AKAP9: variants seen among roughly 807,000 people sequenced by gnomAD.
The protein encoded by AKAP9 is A-kinase anchor protein 9.
Under a neutral mutation model 488.5 loss-of-function variants are expected in AKAP9, and 311 were observed. The ratio of observed to expected loss-of-function variants is 0.64; its 90% CI spans 0.58 to 0.70. The LOEUF is 0.70. Ranked by LOEUF, AKAP9 falls within the 30% of genes least tolerant of loss-of-function variation. AKAP9 has a pLI of 0.00. For missense variants in AKAP9, 4,215 were observed against 4,374.5 expected (o/e 0.96, Z 1.03); for synonymous variants, 1,462 against 1,483.5 (o/e 0.99, Z 0.33).
In AKAP9 at chr7:92,001,444, G is replaced by T; in HGVS notation, c.1527G>T (p.Lys509Asn). 2 of 1,613,736 alleles carry T rather than the reference G, an allele frequency of 1.2e-6. No homozygotes were observed. The highest frequency in any genetic ancestry group is 1.1e-5 in the South Asian group (1 of 91,064). ...AATTGCAAGATACTAACTCTCAAAAGGAAAAACTCAAGGAAGAACTAGGAC... is the reference window on the plus strand; with the variant it reads ...AATTGCAAGATACTAACTCTCAAAATGAAAAACTCAAGGAAGAACTAGGAC... ...NIKLQDTNSQ[K>N]EKLKEELGLI... The change falls in exon 8 of 50, where the codon AAG (lysine) becomes AAT (asparagine). Residue 509 changes from lysine to asparagine, a missense_variant. Physicochemically the swap from Lys to Asn is moderately conservative, Grantham distance 94. Coordinates refer to ENST00000356239, the MANE Select transcript of AKAP9 (RefSeq NM_005751.5).
At chr7:91,970,602 A>G (rs1794949429) in intron 1 of AKAP9, 5 of 406,488 alleles carry the variant, frequency 1.2e-5, no homozygotes, top group South Asian at 9.3e-5. Context: ...TGGATACAGT[A>G]TCCTTGGGTG....
chr7:92,065,589 A>T, intron 25 of AKAP9, 126 bp downstream of exon 25: 1 of 656,972 alleles, frequency 1.5e-6, no homozygotes, highest in Non-Finnish European at 2.6e-6. Context: ...TTAGGTGTCG[A>T]ATCTACTAAT....
intron 1 of AKAP9, among the ~76,000 whole-genome samples, chr7:91,966,388 G>A (rs879670483): frequency 6.6e-6 from 1 of 152,088 alleles, no homozygotes; most frequent in Non-Finnish European, 1.5e-5. Flanking sequence ...AGATACTTAT[G>A]TAGTTTCATT....
chr7:92,045,089 A>G lies in AKAP9; in HGVS notation c.5244A>G (p.Thr1748=). The G allele has an allele frequency of 6.2e-7, 1 of 1,613,808 alleles. No homozygotes were observed. Among genetic ancestry groups the G allele is most frequent in the Non-Finnish European group, 8.5e-7 (1 of 1,179,928 alleles). ...VVKTTAAVEE[T]IGRHVLGILD... Reference sequence around the variant, plus strand: ...AGACAACAGCAGCTGTTGAAGAAACAATTGGTCGCCATGTCCTTGGGATTC... The same window carrying G: ...AGACAACAGCAGCTGTTGAAGAAACGATTGGTCGCCATGTCCTTGGGATTC... Residue 1748 remains threonine, a synonymous_variant, in exon 21 of 50, where the codon ACA becomes ACG. Coordinates refer to ENST00000356239, the MANE Select transcript of AKAP9 (RefSeq NM_005751.5).
chr7:92,061,329 G>A lies in AKAP9; in HGVS notation c.5671G>A (p.Glu1891Lys). Reference sequence around the variant, plus strand: ...ATTTAGACAGAAACAAGAAGCAACAGAGTCCCTTAAGTGCCAAGAGGAACT... The same window carrying A: ...ATTTAGACAGAAACAAGAAGCAACAAAGTCCCTTAAGTGCCAAGAGGAACT... ...ESFRQKQEATESLKCQEELRE... is the reference protein window; with the variant it reads ...ESFRQKQEATKSLKCQEELRE... The change falls in exon 23 of 50, where the codon GAG (glutamate) becomes AAG (lysine). Residue 1891 changes from glutamate to lysine, a missense_variant. Coordinates refer to ENST00000356239, the MANE Select transcript of AKAP9 (RefSeq NM_005751.5). 6.2e-7 allele frequency: 1 copy of A among 1,613,260 alleles called. No homozygotes were observed. Among genetic ancestry groups the A allele is most frequent in the Admixed American group, 1.7e-5 (1 of 59,918 alleles).
chr7:91,955,853 C>T (rs1302827980), intron 1 of AKAP9, among the ~76,000 whole-genome samples: 4 of 151,988 alleles, frequency 2.6e-5, no homozygotes, highest in South Asian at 2.1e-4. Context: ...AGGCTGGTCT[C>T]GAACTCCTGA....
At chr7:92,102,484 CTA>C (rs1563151494) in intron 45 of AKAP9, 108 bp from the exon 46 acceptor site, 906 of 724,460 alleles carry the variant, frequency 1.3e-3, no homozygotes, top group Middle Eastern at 2.6e-3. Flanking sequence ...ACTACTACTA[CTA>C]CTACCACCAC....
chr7:92,071,151 C>T, intron 28 of AKAP9, 142 bp downstream of exon 28: 1 of 758,156 alleles, frequency 1.3e-6, no homozygotes, highest in Non-Finnish European at 2.3e-6. Flanking sequence ...CAAAATTGAC[C>T]TTGAAGGCAG....
In AKAP9 at chr7:92,099,650, T is replaced by C. The variant is rs768733061; in HGVS notation, c.10714-37T>C. ...TTTATATGCATTATTCACATCCATT[T>C]GTGCTTAAGTGACCTTACACCATTT... On this transcript the variant is annotated intron_variant, in intron 43 of 49. Coordinates refer to ENST00000356239, the MANE Select transcript of AKAP9 (RefSeq NM_005751.5). 7 of 1,601,822 alleles carry C rather than the reference T, an allele frequency of 4.4e-6. No homozygotes were observed. In the South Asian group the frequency reaches 6.6e-5, roughly 15 times the overall value.
chr7:92,077,441 C>T (rs568022986), intron 29 of AKAP9, among the ~76,000 whole-genome samples: 2 of 152,096 alleles, frequency 1.3e-5, no homozygotes, highest in Non-Finnish European at 2.9e-5. Context: ...AAATAATACT[C>T]AACAGAGGAA....
chr7:91,946,002 G>C (rs1034116675), intron 1 of AKAP9, among the ~76,000 whole-genome samples: 1 of 152,068 alleles, frequency 6.6e-6, no homozygotes, highest in East Asian at 1.9e-4. Flanking sequence ...AAAAACTACT[G>C]TCTATTATAT....
At chr7:92,030,409 G>A (rs1378825548) in intron 15 of AKAP9, among the ~76,000 whole-genome samples, 2 of 152,160 alleles carry the variant, frequency 1.3e-5, no homozygotes, top group African/African-American at 4.8e-5. Context: ...TCAGAAGGCC[G>A]AGGTGTGTGG....
intron 45 of AKAP9, among the ~76,000 whole-genome samples, chr7:92,101,990 T>C (rs888234645): frequency 9.2e-5 from 14 of 151,776 alleles, no homozygotes; most frequent in Non-Finnish European, 2.1e-4. Flanking sequence ...ATCCCATCTC[T>C]ACTAGAAATA....
At position 92,028,159 on chromosome 7, in the gene AKAP9, GGCC is replaced by G. The variant is rs1184300122; in HGVS notation, c.4149-1733_4149-1731del. ...ACCCAGGGACACAAACACTGCGGAA[GGCC>G]GCAGGGTCCTCTGCCTAGGAAAACC... On this transcript the variant is annotated intron_variant, in intron 14 of 49. Coordinates refer to ENST00000356239, the MANE Select transcript of AKAP9 (RefSeq NM_005751.5). 6.6e-5 allele frequency among the ~76,000 whole-genome samples: 10 copies of G among 152,036 alleles called. No homozygotes were observed. The East Asian group carries it at 1.9e-3, about 29-fold the overall frequency.
At chr7:92,065,056 A>G (rs1393878691) in intron 24 of AKAP9, among the ~76,000 whole-genome samples, 175 bp from the exon 25 acceptor site, 2 of 151,896 alleles carry the variant, frequency 1.3e-5, no homozygotes, top group African/African-American at 4.8e-5. Context: ...TTACTTATAT[A>G]GAAATATTTT....
At chr7:92,026,699 C>A (rs1803217219) in intron 14 of AKAP9, among the ~76,000 whole-genome samples, 1 of 152,240 alleles carries the variant, frequency 6.6e-6, no homozygotes. Flanking sequence ...CACCTCCCAG[C>A]CGCCTGCCTT....
chr7:92,084,655 G>A lies in AKAP9; in HGVS notation c.8662G>A (p.Glu2888Lys), dbSNP rs370771679. Residue 2888 changes from glutamate to lysine, a missense_variant, in exon 34 of 50, where the codon GAG (glutamate) becomes AAG (lysine). By Grantham distance (56) the Glu-to-Lys change is moderately conservative. Coordinates refer to ENST00000356239, the MANE Select transcript of AKAP9 (RefSeq NM_005751.5). ...CTCTAATTAGGGATCCTCAATTCCT[G>A]AGCTAGCACATTCTGATGCTTACCA... ...LRSKEGSSIPELAHSDAYQTR... is the reference protein window; with the variant it reads ...LRSKEGSSIPKLAHSDAYQTR... 3 of 1,609,722 alleles carry A rather than the reference G, an allele frequency of 1.9e-6. No homozygotes were observed. In the African/African-American group the frequency reaches 4.0e-5, roughly 22 times the overall value.
chr7:91,964,836 A>G (rs978395899), intron 1 of AKAP9, among the ~76,000 whole-genome samples: 2 of 152,146 alleles, frequency 1.3e-5, no homozygotes, highest in Non-Finnish European at 2.9e-5. Context: ...AAAAGAAATG[A>G]CAGTGATACT....
intron 7 of AKAP9, among the ~76,000 whole-genome samples, chr7:91,996,856 T>C (rs1012517353): frequency 3.3e-5 from 5 of 152,210 alleles, no homozygotes; most frequent in African/African-American, 1.2e-4. Context: ...ATTTATTAAG[T>C]GCTTACTGTG....
Sources: allele counts gnomAD v4.1 joint callset (sites outside exome capture counted in the v4.1 genomes callset), GRCh38; gene constraint gnomAD v4.1.1; transcripts MANE v1.5; gene names NCBI Gene and HGNC (gene_info 2026-07-23, HGNC 2026-07-21).